DTNB: variants seen among roughly 807,000 people sequenced by gnomAD.
The protein encoded by DTNB is DTN-B.
In DTNB, 63 loss-of-function variants were observed where a neutral mutation model predicts 90.7. The observed-to-expected ratio is 0.69, with a 90% CI of 0.57 to 0.86. The LOEUF is 0.86. Ranked by LOEUF, DTNB falls within the 40% of genes least tolerant of loss-of-function variation. The pLI, the probability that DTNB is intolerant of heterozygous loss-of-function variation, is 0.00. For synonymous variants in DTNB, 277 were observed against 286.7 expected (o/e 0.97, Z 0.34); for missense variants, 744 against 807.1 (o/e 0.92, Z 0.95).
At chr2:25,652,274 T>C (rs2081091447) in intron 2 of DTNB, among the ~76,000 whole-genome samples, 1 of 152,240 alleles carries the variant, frequency 6.6e-6, no homozygotes, top group African/African-American at 2.4e-5. Flanking sequence ...TAATCATTAG[T>C]CACCACCTGC....
intron 1 of DTNB, among the ~76,000 whole-genome samples, chr2:25,663,116 T>C (rs1465156702): frequency 3.4e-5 from 5 of 146,378 alleles, no homozygotes; most frequent in African/African-American, 7.4e-5. Context: ...CCTGTATCCA[T>C]GTGTTCTCAC....
chr2:25,488,409 A>T (rs998933929), intron 9 of DTNB, among the ~76,000 whole-genome samples: 1 of 152,182 alleles, frequency 6.6e-6, no homozygotes, highest in Non-Finnish European at 1.5e-5. Flanking sequence ...CTGAGGTTGG[A>T]AAGGAGGAGG....
chr2:25,457,024 T>G (rs535451193), intron 10 of DTNB, among the ~76,000 whole-genome samples: 1 of 152,232 alleles, frequency 6.6e-6, no homozygotes, highest in East Asian at 1.9e-4. Flanking sequence ...TTTTTTCTTT[T>G]TTTGAGACGG....
intron 8 of DTNB, among the ~76,000 whole-genome samples, chr2:25,551,617 T>A (rs1257209445): frequency 6.6e-6 from 1 of 152,242 alleles, no homozygotes; most frequent in East Asian, 1.9e-4. Flanking sequence ...CTTAAAGATA[T>A]CTTACAGCTT....
intron 10 of DTNB, chr2:25,481,786 T>C (rs922631752): frequency 1.3e-5 from 2 of 152,230 alleles, no homozygotes; most frequent in Non-Finnish European, 2.9e-5. Context: ...CAAGATCCTA[T>C]CTTCAGAAAT....
At chr2:25,575,232 A>C in intron 8 of DTNB, among the ~76,000 whole-genome samples, 1 of 151,218 alleles carries the variant, frequency 6.6e-6, no homozygotes, top group South Asian at 2.1e-4. Flanking sequence ...TAGACTCTAC[A>C]CACACACACA....
intron 1 of DTNB, among the ~76,000 whole-genome samples, chr2:25,663,079 C>A (rs1176326077): frequency 6.6e-6 from 1 of 150,810 alleles, no homozygotes; most frequent in Non-Finnish European, 1.5e-5. Context: ...CACCCCCCAA[C>A]AGGCCCCTGT....
At chr2:25,525,566 G>A (rs1399442628) in intron 9 of DTNB, among the ~76,000 whole-genome samples, 2 of 151,874 alleles carry the variant, frequency 1.3e-5, no homozygotes, top group African/African-American at 4.8e-5. Flanking sequence ...AACCCAGGAG[G>A]TGGAAGTTGC....
At chr2:25,430,333 C>A (rs2053437884) in intron 14 of DTNB, among the ~76,000 whole-genome samples, 1 of 152,096 alleles carries the variant, frequency 6.6e-6, no homozygotes, top group African/African-American at 2.4e-5. Flanking sequence ...ATTTCCAGTG[C>A]AGTAGACCCT....
Position 25,387,144 on chromosome 2 carries a change from G to A in DTNB, c.1825+145C>T, listed in dbSNP as rs2039704391. 2 of 687,604 alleles carry A rather than the reference G, an allele frequency of 2.9e-6. No individual in the cohort carries two copies. Among genetic ancestry groups the A allele is most frequent in the Non-Finnish European group, 4.9e-6 (2 of 407,662 alleles). 42.6% of individuals were successfully genotyped at this position (687,604 alleles called of 1,614,324 possible). On this transcript the variant is annotated intron_variant, in intron 18 of 20. Transcript: ENST00000406818. The surrounding 1 kb of genome is among the most constrained non-coding windows in gnomAD (Gnocchi z 4.5). ...GAGGCTCTCTGGGTGGAGACATCCA[G>A]TGTGTTCCTAGAAGGCAAAGTTAGG...
chr2:25,530,823 A>G (rs1194082340), intron 9 of DTNB, among the ~76,000 whole-genome samples: 2 of 152,202 alleles, frequency 1.3e-5, no homozygotes, highest in Non-Finnish European at 2.9e-5. Flanking sequence ...TTCATCAGGG[A>G]AGCATAGTAT....
intron 1 of DTNB, 41 bp from the exon 2 acceptor site, chr2:25,652,702 G>C (rs745576136): frequency 6.3e-7 from 1 of 1,588,300 alleles, no homozygotes; most frequent in Non-Finnish European, 8.5e-7. Flanking sequence ...TGTATAATTC[G>C]ACAATTCAAT....
intron 9 of DTNB, among the ~76,000 whole-genome samples, chr2:25,515,222 AGAG>A (rs1389948277): frequency 2.0e-5 from 3 of 152,242 alleles, no homozygotes; most frequent in Non-Finnish European, 4.4e-5. Flanking sequence ...AGAAGGAAGA[AGAG>A]GAGAATTGCT....
chr2:25,570,405 T>TTAAAAAAA (rs2059667325), intron 8 of DTNB, among the ~76,000 whole-genome samples: 1 of 31,692 alleles, frequency 3.2e-5, no homozygotes, highest in African/African-American at 2.1e-4. Flanking sequence ...GTTTCCTGTC[T>TTAAAAAAA]CAAAAAAAAA....
At chr2:25,408,958 G>A (rs776265604) in intron 16 of DTNB, among the ~76,000 whole-genome samples, 41 of 152,194 alleles carry the variant, frequency 2.7e-4, no homozygotes, top group Non-Finnish European at 5.7e-4. Context: ...GCTGAGGTGA[G>A]GCACAACAGA....
intron 14 of DTNB, among the ~76,000 whole-genome samples, chr2:25,429,587 C>T (rs1384358200): frequency 6.6e-6 from 1 of 152,212 alleles, no homozygotes; most frequent in Non-Finnish European, 1.5e-5. Flanking sequence ...TAGTGCTCCT[C>T]AGTGGTACTT....
intron 9 of DTNB, among the ~76,000 whole-genome samples, chr2:25,516,277 C>T (rs2075097206): frequency 6.6e-6 from 1 of 152,028 alleles, no homozygotes; most frequent in South Asian, 2.1e-4. Context: ...GACAGGGTTT[C>T]ACTCTGTCAT....
chr2:25,440,523 AT>A (rs2057131698), intron 12 of DTNB, among the ~76,000 whole-genome samples: 1 of 152,238 alleles, frequency 6.6e-6, no homozygotes, highest in Non-Finnish European at 1.5e-5. Context: ...ATGTGAGAAC[AT>A]TTTGTGCAAA....
intron 16 of DTNB, among the ~76,000 whole-genome samples, chr2:25,389,008 G>A (rs1217317393): frequency 6.6e-6 from 1 of 151,958 alleles, no homozygotes; most frequent in Non-Finnish European, 1.5e-5. Flanking sequence ...CACCACGCTG[G>A]GCTAATTTTT....
Sources: allele counts gnomAD v4.1 joint callset (sites outside exome capture counted in the v4.1 genomes callset), GRCh38; gene constraint gnomAD v4.1.1; non-coding constraint Gnocchi (gnomAD v3.1); transcripts MANE v1.5; gene names NCBI Gene and HGNC (gene_info 2026-07-23, HGNC 2026-07-21).